The following EYS variants were observed in gnomAD, a reference collection of about 807,000 sequenced individuals.
EYS encodes EGF-like photoreceptor maintenance factor.
In EYS, 250 loss-of-function variants were observed where a neutral mutation model predicts 282.1. That is an observed-to-expected ratio of 0.89 (90% CI 0.80 to 0.98). The LOEUF (loss-of-function observed/expected upper bound fraction) is 0.98, where lower values mean the gene tolerates loss of function less well. Among genes scored for constraint, EYS ranks in the 50% least tolerant of loss-of-function variants. EYS has a pLI of 0.00. For missense variants in EYS, 4,016 were observed against 3,709.0 expected (o/e 1.08, Z -2.15); for synonymous variants, 1,355 against 1,282.9 (o/e 1.06, Z -1.20).
intron 5 of EYS, among the ~76,000 whole-genome samples, chr6:65,442,240 T>C (rs888866987): frequency 5.3e-5 from 8 of 152,066 alleles, no homozygotes; most frequent in Non-Finnish European, 1.0e-4. Flanking sequence ...CTTTATTTCC[T>C]ATCTAAATAT....
chr6:64,258,520 C>G (rs554868464), intron 30 of EYS, among the ~76,000 whole-genome samples: 1 of 152,102 alleles, frequency 6.6e-6, no homozygotes, highest in South Asian at 2.1e-4. Flanking sequence ...AAGTGTGACC[C>G]TTGAATCTTG....
At chr6:65,650,582 G>A (rs1277439962) in intron 1 of EYS, among the ~76,000 whole-genome samples, 5 of 152,256 alleles carry the variant, frequency 3.3e-5, no homozygotes, top group East Asian at 3.9e-4. Context: ...TTCTCTGCTC[G>A]ATCATTGACA....
At chr6:64,743,700 G>A (rs1442218105) in intron 22 of EYS, among the ~76,000 whole-genome samples, 2 of 152,006 alleles carry the variant, frequency 1.3e-5, no homozygotes, top group African/African-American at 4.8e-5. Flanking sequence ...CCAAAGTTCT[G>A]GAGAAGTTAC....
At chr6:64,690,147 C>G (rs1001193254) in intron 22 of EYS, among the ~76,000 whole-genome samples, 1 of 151,674 alleles carries the variant, frequency 6.6e-6, no homozygotes, top group African/African-American at 2.4e-5. Context: ...AACAAACAAC[C>G]CCATCAAAAA....
chr6:63,792,966 C>G (rs1313471375), intron 37 of EYS, among the ~76,000 whole-genome samples: 1 of 152,186 alleles, frequency 6.6e-6, no homozygotes, highest in East Asian at 1.9e-4. Context: ...ACATGTAAGG[C>G]TTGTGATATC....
intron 5 of EYS, among the ~76,000 whole-genome samples, chr6:65,455,648 T>C (rs975724152): frequency 1.3e-5 from 2 of 152,134 alleles, no homozygotes; most frequent in African/African-American, 2.4e-5. Flanking sequence ...TTAGATAACA[T>C]AGAAAAAATT....
intron 26 of EYS, among the ~76,000 whole-genome samples, chr6:64,485,979 G>T (rs771763821): frequency 1.3e-5 from 2 of 151,366 alleles, no homozygotes; most frequent in South Asian, 2.1e-4. Context: ...AGAGAAAATA[G>T]ACAAAGGAAA....
intron 29 of EYS, among the ~76,000 whole-genome samples, chr6:64,339,155 A>G (rs1035961288): frequency 6.6e-6 from 1 of 151,940 alleles, no homozygotes; most frequent in Admixed American, 6.6e-5. Context: ...TAAACTAAAG[A>G]GCTTTTGCAA....
chr6:64,766,673 T>A (rs1773361188), intron 22 of EYS, among the ~76,000 whole-genome samples: 17 of 100,256 alleles, frequency 1.7e-4, no homozygotes, highest in Admixed American at 3.2e-4. Flanking sequence ...TATATATATA[T>A]ATATATATAT....
chr6:65,539,678 C>T (rs1768091353), intron 2 of EYS, among the ~76,000 whole-genome samples: 1 of 152,176 alleles, frequency 6.6e-6, no homozygotes, highest in Non-Finnish European at 1.5e-5. Context: ...GAAAGTATAT[C>T]ACGGTCTGAT....
chr6:65,533,440 C>A (rs908712153), intron 2 of EYS, among the ~76,000 whole-genome samples: 1 of 152,054 alleles, frequency 6.6e-6, no homozygotes, highest in African/African-American at 2.4e-5. Context: ...TCTGAAACTA[C>A]CCCAATCAAT....
intron 22 of EYS, among the ~76,000 whole-genome samples, chr6:64,667,376 C>A (rs1769270667): frequency 1.3e-5 from 2 of 151,906 alleles, no homozygotes; most frequent in Non-Finnish European, 2.9e-5. Flanking sequence ...GTGGAGAGAG[C>A]AGATGCCCCA....
intron 22 of EYS, among the ~76,000 whole-genome samples, chr6:64,652,688 C>T (rs1768605604): frequency 1.3e-5 from 2 of 152,250 alleles, no homozygotes; most frequent in African/African-American, 4.8e-5. Context: ...ATTTGTTATG[C>T]AGCAATATGA....
At chr6:64,074,901 C>G (rs1771712191) in intron 32 of EYS, among the ~76,000 whole-genome samples, 1 of 151,830 alleles carries the variant, frequency 6.6e-6, no homozygotes, top group Non-Finnish European at 1.5e-5. Context: ...CAAACTAAGA[C>G]ATAGAAAGAT....
At position 64,500,716 on chromosome 6, in the gene EYS, A is replaced by T. The variant is rs148115233; in HGVS notation, c.5645-61364T>A. Among the ~76,000 whole-genome samples, 403 of 152,236 alleles carry T rather than the reference A, an allele frequency of 2.6e-3. 3 individuals are homozygous for T. The highest frequency in any genetic ancestry group is 0.024 in the Middle Eastern group (7 of 294). On this transcript the variant is annotated intron_variant, in intron 26 of 42. Transcript: ENST00000503581. ...AAGATGCATAAACATTTTAAATTCAAATGCAGAGTGTGGTAAATTGTTACC... is the reference window on the plus strand; with the variant it reads ...AAGATGCATAAACATTTTAAATTCATATGCAGAGTGTGGTAAATTGTTACC...
intron 15 of EYS, among the ~76,000 whole-genome samples, chr6:64,926,042 C>T (rs1254340821): frequency 6.6e-6 from 1 of 152,132 alleles, no homozygotes; most frequent in Admixed American, 6.5e-5. Context: ...CTCGTACTCC[C>T]AACCTAGGAG....
At chr6:65,503,963 A>G (rs542378138) in intron 2 of EYS, among the ~76,000 whole-genome samples, 17 of 151,734 alleles carry the variant, frequency 1.1e-4, no homozygotes, top group Non-Finnish European at 2.1e-4. Flanking sequence ...TAAAAACTCT[A>G]TAACCAGGGT....
chr6:63,912,996 T>C (rs1000949241), intron 35 of EYS, among the ~76,000 whole-genome samples: 4 of 152,216 alleles, frequency 2.6e-5, no homozygotes, highest in African/African-American at 9.6e-5. Context: ...GCAGATACTG[T>C]GTTAGACGAC....
At chr6:64,921,959 C>G (rs1034290408) in intron 15 of EYS, among the ~76,000 whole-genome samples, 1 of 151,372 alleles carries the variant, frequency 6.6e-6, no homozygotes, top group Non-Finnish European at 1.5e-5. Context: ...TTTTAAAAAA[C>G]AAGAACAAAA....
Sources: gnomAD v4.1 joint callset for allele counts (sites outside exome capture counted in the v4.1 genomes callset) on GRCh38, gnomAD v4.1.1 for gene constraint, MANE v1.5 for transcripts, NCBI Gene and HGNC (gene_info 2026-07-23, HGNC 2026-07-21) for gene names.